The following UNC5B variants were observed in gnomAD, a reference collection of about 807,000 sequenced individuals.
The protein encoded by UNC5B is unc-5 netrin receptor B, also known as netrin receptor UNC5B.
A neutral mutation model predicts 103.7 loss-of-function variants in UNC5B; 56 were observed. The observed-to-expected ratio is 0.54, with a 90% CI of 0.44 to 0.67. UNC5B has a LOEUF of 0.67. Among genes scored for constraint, UNC5B ranks in the 30% least tolerant of loss-of-function variants. The pLI, the probability that UNC5B is intolerant of heterozygous loss-of-function variation, is 0.00. For synonymous variants in UNC5B, 577 were observed against 542.0 expected (o/e 1.06, Z -0.90); for missense variants, 1,194 against 1,284.5 (o/e 0.93, Z 1.08).
At chr10:71,268,502 G>A (rs1283139840) in intron 1 of UNC5B, among the ~76,000 whole-genome samples, 1 of 152,194 alleles carries the variant, frequency 6.6e-6, no homozygotes, top group Non-Finnish European at 1.5e-5. Flanking sequence ...CCGACTGGAG[G>A]TGAAGGGCTT....
intron 2 of UNC5B, among the ~76,000 whole-genome samples, chr10:71,282,225 T>C (rs1844947842): frequency 6.6e-6 from 1 of 152,052 alleles, no homozygotes; most frequent in African/African-American, 2.4e-5. Context: ...AGCCTTGGTC[T>C]GAGGCCTGAA....
At chr10:71,246,475 C>G (rs1844040732) in intron 1 of UNC5B, among the ~76,000 whole-genome samples, 1 of 152,112 alleles carries the variant, frequency 6.6e-6, no homozygotes, top group Non-Finnish European at 1.5e-5. Context: ...TGAGCTCCCT[C>G]TCTGCACAGG....
In UNC5B at chr10:71,284,871, A is replaced by G. The variant is rs762231780; in HGVS notation, c.448+8A>G. 5.2e-5 allele frequency: 83 copies of G among 1,587,548 alleles called. No individual in the cohort carries two copies. Among genetic ancestry groups the G allele is most frequent in the Non-Finnish European group, 6.4e-5 (75 of 1,167,234 alleles). On this transcript the variant is annotated splice_region_variant and intron_variant, in intron 3 of 16. Coordinates refer to ENST00000335350, the MANE Select transcript of UNC5B (RefSeq NM_170744.5). ...CCTACGTCCGCATCGCCTGTACGCC[A>G]CCCTGACCCCCACCCTGTCCCTGCA... is the stretch of plus-strand genomic sequence containing the variant.
Position 71,297,901 on chromosome 10 carries a change from C to T in UNC5B, c.2491-8C>T, listed in dbSNP as rs755485050. 5.6e-6 allele frequency: 9 copies of T among 1,609,238 alleles called. No individual in the cohort carries two copies. In the Middle Eastern group the frequency reaches 5.4e-4, roughly 96 times the overall value. ...TGCCCCTCTCACTCTTGGCCCCCAC[C>T]CTTGCAGACACCTGCTGGCTCCCTG... On this transcript the variant is annotated splice_region_variant and splice_polypyrimidine_tract_variant and intron_variant, in intron 15 of 16. Transcript: ENST00000335350.
At chr10:71,249,165 G>A (rs921720060) in intron 1 of UNC5B, among the ~76,000 whole-genome samples, 4 of 152,226 alleles carry the variant, frequency 2.6e-5, no homozygotes, top group Non-Finnish European at 5.9e-5. Context: ...ATGAGAACGT[G>A]ACCACGGCCA....
chr10:71,299,337 G>T lies in UNC5B; in HGVS notation c.*60G>T. 6.3e-7 allele frequency: 1 copy of T among 1,593,630 alleles called. No individual in the cohort carries two copies. The highest frequency in any genetic ancestry group is 8.5e-7 in the Non-Finnish European group (1 of 1,170,684). Reference sequence around the variant, plus strand: ...GGAGGCAGGTGCAGGGAGGCCTGGGGCAGCCTCCTGATGGGGATGTTTGGC... The same window carrying T: ...GGAGGCAGGTGCAGGGAGGCCTGGGTCAGCCTCCTGATGGGGATGTTTGGC... On this transcript the variant is annotated 3_prime_UTR_variant, in exon 17 of 17. Coordinates refer to ENST00000335350, the MANE Select transcript of UNC5B (RefSeq NM_170744.5).
intron 8 of UNC5B, 71 bp downstream of exon 8, chr10:71,289,061 G>A: frequency 6.2e-7 from 1 of 1,609,522 alleles, no homozygotes; most frequent in Non-Finnish European, 8.5e-7. Context: ...GCTTTTCCCG[G>A]GATCAGGGTG....
chr10:71,223,804 G>A lies in UNC5B; in HGVS notation c.79+10740G>A, dbSNP rs79035909. On this transcript the variant is annotated intron_variant, in intron 1 of 16. Coordinates refer to ENST00000335350, the MANE Select transcript of UNC5B (RefSeq NM_170744.5). ...GGCTCAAGAGAATGCTTACCGCATG[G>A]ACAACTGGCCGTGAGGCCTGAGAGC... Among the ~76,000 whole-genome samples, 399 of 149,018 alleles carry A rather than the reference G, an allele frequency of 2.7e-3. 11 individuals are homozygous for A. In the East Asian group the frequency reaches 0.056, roughly 21 times the overall value.
At position 71,288,702 on chromosome 10, in the gene UNC5B, A is replaced by G. The variant is rs374428164; in HGVS notation, c.1036A>G (p.Lys346Glu). ...CTGCAGCGGGACGCTGCTCGACTCT[A>G]AGAACTGCACAGATGGGCTGTGCAT... is the stretch of plus-strand genomic sequence containing the variant. ...RDCSGTLLDS[K>E]NCTDGLCMQN... Residue 346 changes from lysine to glutamate, a missense_variant, in exon 7 of 17, where the codon AAG becomes GAG. Lys to Glu is a moderately conservative substitution (Grantham distance 56). Transcript: ENST00000335350. The G allele has an allele frequency of 6.2e-7, 1 of 1,613,554 alleles. No individual in the cohort carries two copies. Among genetic ancestry groups the G allele is most frequent in the East Asian group, 2.2e-5 (1 of 44,864 alleles).
chr10:71,241,405 C>T (rs968101992), intron 1 of UNC5B, among the ~76,000 whole-genome samples: 15 of 152,308 alleles, frequency 9.8e-5, no homozygotes, highest in African/African-American at 3.6e-4. Flanking sequence ...CCTCAAATGC[C>T]CCATATCCCC....
intron 1 of UNC5B, among the ~76,000 whole-genome samples, chr10:71,242,188 C>T (rs532655257): frequency 6.6e-6 from 1 of 152,308 alleles, no homozygotes; most frequent in Admixed American, 6.5e-5. Flanking sequence ...TCCCTTCCTG[C>T]GTGGCGTCCG....
chr10:71,242,568 G>T (rs895662004), intron 1 of UNC5B, among the ~76,000 whole-genome samples: 2 of 152,182 alleles, frequency 1.3e-5, no homozygotes, highest in African/African-American at 4.8e-5. Flanking sequence ...ATTCCAGGGG[G>T]ATCCACTTTG....
chr10:71,295,777 A>G, intron 13 of UNC5B, 34 bp from the exon 14 acceptor site: 1 of 1,602,126 alleles, frequency 6.2e-7, no homozygotes, highest in Non-Finnish European at 8.5e-7. Flanking sequence ...GCCAGGTGTG[A>G]TGGGTTCCCC....
At chr10:71,224,613 G>A (rs893927825) in intron 1 of UNC5B, among the ~76,000 whole-genome samples, 34 of 152,246 alleles carry the variant, frequency 2.2e-4, no homozygotes, top group African/African-American at 6.3e-4. Context: ...AGAAAACCTG[G>A]ATTCAAGTCC....
chr10:71,229,814 G>A (rs983053441), intron 1 of UNC5B, among the ~76,000 whole-genome samples: 17 of 152,252 alleles, frequency 1.1e-4, no homozygotes, highest in African/African-American at 2.6e-4. Context: ...TGAGGGCCCC[G>A]TGTCCCTTGG....
intron 1 of UNC5B, among the ~76,000 whole-genome samples, chr10:71,236,633 CCTCATT>C (rs1199932057): frequency 6.6e-6 from 1 of 152,226 alleles, no homozygotes; most frequent in Admixed American, 6.5e-5. Context: ...GCAGTGGCCT[CCTCATT>C]CATGGGTGCT....
At position 71,284,923 on chromosome 10, in the gene UNC5B, T is replaced by C. The variant is rs1213019851; in HGVS notation, c.448+60T>C. The C allele has an allele frequency of 5.9e-6, 9 of 1,526,994 alleles. No homozygotes were observed. The African/African-American group carries it at 1.1e-4, about 19-fold the overall frequency. 94.6% of individuals were successfully genotyped at this position (1,526,994 alleles called of 1,614,324 possible). A position where few individuals can be genotyped will look rare whatever the true frequency, so the allele number is the denominator to read the frequency against. ...GAACCTTCCCCATCCCTGAGGATGC[T>C]GGAGAGGGAACTTCACATCTGTGGG... On this transcript the variant is annotated intron_variant, in intron 3 of 16. Transcript: ENST00000335350.
chr10:71,281,327 A>G (rs141142063), intron 2 of UNC5B, among the ~76,000 whole-genome samples: 1 of 149,704 alleles, frequency 6.7e-6, no homozygotes, highest in East Asian at 2.0e-4. Context: ...CCAAAATATA[A>G]AAATGGAAAA....
At position 71,285,327 on chromosome 10, in the gene UNC5B, C is replaced by T. The variant is rs2132303913; in HGVS notation, c.450C>T (p.Tyr150=). The T allele has an allele frequency of 6.2e-7, 1 of 1,609,212 alleles. No homozygotes were observed. Among genetic ancestry groups the T allele is most frequent in the South Asian group, 1.1e-5 (1 of 89,658 alleles). Residue 150 remains tyrosine (Y), a splice_region_variant and synonymous_variant, in exon 4 of 17, where the codon TAC becomes TAT. Coordinates refer to ENST00000335350, the MANE Select transcript of UNC5B (RefSeq NM_170744.5). The part of the protein sequence containing the change: ...KSRRAYVRIA[Y]LRKNFDQEPL... ...TTGGGACCCTCTCGCTTCTCCCAGACCTGCGCAAGAACTTCGATCAGGAGC... is the reference window on the plus strand; with the variant it reads ...TTGGGACCCTCTCGCTTCTCCCAGATCTGCGCAAGAACTTCGATCAGGAGC...
Sources: gnomAD v4.1 joint callset for allele counts (sites outside exome capture counted in the v4.1 genomes callset) on GRCh38, gnomAD v4.1.1 for gene constraint, MANE v1.5 for transcripts, NCBI Gene and HGNC (gene_info 2026-07-23, HGNC 2026-07-21) for gene names.